The following ADGRL2 variants were observed in gnomAD, a reference collection of about 807,000 sequenced individuals.
ADGRL2 encodes adhesion G protein-coupled receptor L2.
ADGRL2 carries 44 observed loss-of-function variants against 157.4 expected under a neutral mutation model. The observed-to-expected ratio is 0.28, with a 90% confidence interval of 0.22 to 0.36. The LOEUF (loss-of-function observed/expected upper bound fraction) is 0.36, where lower values mean the gene tolerates loss of function less well. ADGRL2 is among the 10% of genes least tolerant of loss of function. ADGRL2 has a pLI of 1.00. For synonymous variants in ADGRL2, 585 were observed against 624.7 expected (o/e 0.94, Z 0.95); for missense variants, 1,510 against 1,768.9 (o/e 0.85, Z 2.63).
At chr1:81,437,572 T>C (rs2101654432) in intron 1 of ADGRL2, among the ~76,000 whole-genome samples, 1 of 152,356 alleles carries the variant, frequency 6.6e-6, no homozygotes, top group South Asian at 2.1e-4. Context: ...GTGTTTTCAA[T>C]TTAATGATAA....
chr1:81,758,009 C>T (rs546247640), intron 1 of ADGRL2, among the ~76,000 whole-genome samples: 1 of 152,276 alleles, frequency 6.6e-6, no homozygotes, highest in East Asian at 1.9e-4. Context: ...TCTAATGTTA[C>T]ATGAAAAATG....
chr1:81,504,904 C>A (rs181155390), intron 2 of ADGRL2, among the ~76,000 whole-genome samples: 115 of 152,278 alleles, frequency 7.6e-4, no homozygotes, highest in Middle Eastern at 6.8e-3. Context: ...CTGGACCCTG[C>A]GCGGGAGCAG....
intron 2 of ADGRL2, among the ~76,000 whole-genome samples, chr1:81,764,479 T>C (rs372054322): frequency 1.3e-5 from 2 of 152,144 alleles, no homozygotes; most frequent in East Asian, 1.9e-4. Context: ...AGCATGCATC[T>C]AATACTGTTC....
intron 1 of ADGRL2, among the ~76,000 whole-genome samples, chr1:81,417,346 A>C (rs1311160726): frequency 6.6e-6 from 1 of 152,162 alleles, no homozygotes; most frequent in Middle Eastern, 3.2e-3. Flanking sequence ...TTGGTTCATT[A>C]ACTTTACAAA....
chr1:81,855,738 G>T (rs1272810793), intron 2 of ADGRL2, among the ~76,000 whole-genome samples: 1 of 152,100 alleles, frequency 6.6e-6, no homozygotes, highest in Non-Finnish European at 1.5e-5. Context: ...GGGGGCAAAT[G>T]AAATATACCT....
intron 3 of ADGRL2, among the ~76,000 whole-genome samples, chr1:81,678,521 C>T (rs527547479): frequency 1.1e-4 from 16 of 152,200 alleles, no homozygotes; most frequent in Non-Finnish European, 2.1e-4. Flanking sequence ...ATTTACTCTA[C>T]TTGTTTAGAC....
intron 2 of ADGRL2, among the ~76,000 whole-genome samples, chr1:81,459,633 TGA>T (rs1374680287): frequency 2.0e-5 from 3 of 152,078 alleles, no homozygotes; most frequent in Non-Finnish European, 2.9e-5. Context: ...GCAACAAACA[TGA>T]GAGTCTTAAT....
At chr1:81,657,476 AAC>A (rs2082560549) in intron 3 of ADGRL2, among the ~76,000 whole-genome samples, 1 of 152,154 alleles carries the variant, frequency 6.6e-6, no homozygotes. Context: ...TAGCAGCCCA[AAC>A]AAACTAAGAC....
At chr1:81,385,464 A>G (rs2076418852) in intron 1 of ADGRL2, among the ~76,000 whole-genome samples, 1 of 152,150 alleles carries the variant, frequency 6.6e-6, no homozygotes, top group Admixed American at 6.6e-5. Context: ...TGTCAAGTAA[A>G]TGAAATCAAA....
At chr1:81,734,064 G>A (rs2149191334) in intron 1 of ADGRL2, among the ~76,000 whole-genome samples, 1 of 152,206 alleles carries the variant, frequency 6.6e-6, no homozygotes, top group Non-Finnish European at 1.5e-5. Context: ...ATCACCTGAG[G>A]TCGGGAGTTC....
intron 2 of ADGRL2, among the ~76,000 whole-genome samples, chr1:81,468,088 T>C (rs988181943): frequency 3.3e-5 from 5 of 152,260 alleles, no homozygotes; most frequent in African/African-American, 1.2e-4. Flanking sequence ...TTCTCGAAGA[T>C]TGAAAATCCT....
chr1:81,371,744 T>A (rs543180493), intron 1 of ADGRL2, among the ~76,000 whole-genome samples: 1 of 152,210 alleles, frequency 6.6e-6, no homozygotes, highest in Non-Finnish European at 1.5e-5. Context: ...ACAAGAAAAA[T>A]TATGCACTTC....
intron 2 of ADGRL2, among the ~76,000 whole-genome samples, chr1:81,448,127 T>G (rs901071635): frequency 6.8e-6 from 1 of 147,764 alleles, no homozygotes; most frequent in Non-Finnish European, 1.5e-5. Flanking sequence ...CTTTTTCTTT[T>G]TCTTTCTTTC....
chr1:81,626,284 C>T (rs2081906989), intron 3 of ADGRL2, among the ~76,000 whole-genome samples: 1 of 152,066 alleles, frequency 6.6e-6, no homozygotes, highest in Admixed American at 6.6e-5. Context: ...TGAACATGAA[C>T]TTTTGCTTTA....
At chr1:81,323,730 G>T (rs1660693556) in intron 1 of ADGRL2, among the ~76,000 whole-genome samples, 2 of 152,138 alleles carry the variant, frequency 1.3e-5, no homozygotes, top group Non-Finnish European at 2.9e-5. Flanking sequence ...AGTCAAGGAA[G>T]GCTTCTTTGA....
chr1:81,614,644 G>A (rs2148682009), intron 3 of ADGRL2, among the ~76,000 whole-genome samples: 1 of 152,190 alleles, frequency 6.6e-6, no homozygotes, highest in South Asian at 2.1e-4. Context: ...AGTTCTGCAG[G>A]AAGTCAGAGC....
intron 2 of ADGRL2, among the ~76,000 whole-genome samples, chr1:81,768,939 G>GC (rs2086244739): frequency 6.6e-6 from 1 of 152,072 alleles, no homozygotes; most frequent in African/African-American, 2.4e-5. Context: ...ACAAAAATTA[G>GC]CCGGGCGCAC....
intron 3 of ADGRL2, among the ~76,000 whole-genome samples, chr1:81,593,169 C>T (rs2081166919): frequency 6.6e-6 from 1 of 152,148 alleles, no homozygotes; most frequent in South Asian, 2.1e-4. Context: ...CTAACATAGT[C>T]AAAGTGAACA....
rs573444012 is a variant in ADGRL2 at position 81,708,978 on chromosome 1, C to T, written c.-143+9170C>T. On this transcript the variant is annotated intron_variant, in intron 1 of 20. Coordinates refer to the ADGRL2 transcript ENST00000359929. Reference sequence around the variant, plus strand: ...GGAAAACAGACAAGGTATTAGAGACCACACTTCTGAATATGGTCTCACCAT... The same window carrying T: ...GGAAAACAGACAAGGTATTAGAGACTACACTTCTGAATATGGTCTCACCAT... Among the ~76,000 whole-genome samples, 384 of 152,110 alleles carry T rather than the reference C, an allele frequency of 2.5e-3. 1 individual carries two copies. The highest frequency in any genetic ancestry group is 8.8e-3 in the African/African-American group (367 of 41,500).
Sources: allele counts gnomAD v4.1 joint callset (sites outside exome capture counted in the v4.1 genomes callset), GRCh38; gene constraint gnomAD v4.1.1; transcripts MANE v1.5; gene names NCBI Gene and HGNC (gene_info 2026-07-23, HGNC 2026-07-21).